Variants in RAB6B observed in about 807,000 individuals in gnomAD.
RAB6B encodes ras-related protein Rab-6B.
RAB6B carries 7 observed loss-of-function variants against 31.2 expected under a neutral mutation model. The ratio of observed to expected loss-of-function variants is 0.22; its 90% CI spans 0.13 to 0.42. The LOEUF (loss-of-function observed/expected upper bound fraction) is 0.42. Among genes scored for constraint, RAB6B ranks in the 10% least tolerant of loss-of-function variants. The pLI, the probability that RAB6B is intolerant of heterozygous loss-of-function variation, is 1.00. For missense variants in RAB6B, 149 were observed against 280.6 expected (o/e 0.53, Z 3.35); for synonymous variants, 105 against 104.9 (o/e 1.00, Z -0.01).
chr3:133,890,812 A>G (rs1292733125), intron 1 of RAB6B, among the ~76,000 whole-genome samples: 2 of 152,236 alleles, frequency 1.3e-5, no homozygotes, highest in East Asian at 1.9e-4. Flanking sequence ...TTAAAATTCA[A>G]TTACGGTTTT....
chr3:133,828,193 G>GA lies in RAB6B; in HGVS notation c.*594dup, dbSNP rs1935602933. ...AGGTTGACGACCCACTCTGGCCATG[G>GA]AAAGACAAGAGTCAGAGCTACCTTT... On this transcript the variant is annotated 3_prime_UTR_variant, in exon 8 of 8. Transcript: ENST00000285208. 1.7e-6 allele frequency: 1 copy of GA among 580,182 alleles called. No homozygotes were observed. Among genetic ancestry groups the GA allele is most frequent in the South Asian group, 2.1e-5 (1 of 47,170 alleles). 35.9% of individuals were successfully genotyped at this position (580,182 alleles called of 1,614,324 possible). A position where few individuals can be genotyped will look rare whatever the true frequency, so the allele number is the denominator to read the frequency against.
Position 133,895,560 on chromosome 3 carries a change from G to C in RAB6B, c.-94C>G. The C allele has an allele frequency of 7.6e-7, 1 of 1,320,854 alleles. No homozygotes were observed. The highest frequency in any genetic ancestry group is 2.4e-5 in the East Asian group (1 of 41,078). 81.8% of individuals were successfully genotyped at this position (1,320,854 alleles called of 1,614,324 possible). A position where few individuals can be genotyped will look rare whatever the true frequency, so the allele number is the denominator to read the frequency against. On this transcript the variant is annotated 5_prime_UTR_variant, in exon 1 of 8. Coordinates refer to ENST00000285208, the MANE Select transcript of RAB6B (RefSeq NM_016577.4). ...AGGGCGAGGGGAGGCGGCCGGCGGT[G>C]CGGGAGCCGGAGGGGGAAGGGCTGG...
intron 7 of RAB6B, among the ~76,000 whole-genome samples, chr3:133,834,112 G>A (rs995802815): frequency 2.0e-5 from 3 of 152,092 alleles, no homozygotes; most frequent in African/African-American, 7.2e-5. Context: ...CTCAGGAGCT[G>A]TTCAGGGCTG....
At chr3:133,862,267 T>C (rs901102836) in intron 2 of RAB6B, among the ~76,000 whole-genome samples, 1 of 152,214 alleles carries the variant, frequency 6.6e-6, no homozygotes, top group Non-Finnish European at 1.5e-5. Context: ...CCATGCTGTT[T>C]TTTTTGTGTG....
intron 5 of RAB6B, 103 bp from the exon 6 acceptor site, chr3:133,838,362 C>T: frequency 9.8e-7 from 1 of 1,023,216 alleles, no homozygotes; most frequent in Non-Finnish European, 1.5e-6. Context: ...CCACTGGGCC[C>T]TTGGTCAGTC....
chr3:133,867,259 C>T lies in RAB6B; in HGVS notation c.71-2617G>A, dbSNP rs117646781. Among the ~76,000 whole-genome samples, 124 of 152,256 alleles carry T rather than the reference C, an allele frequency of 8.1e-4. 2 individuals are homozygous for T. The East Asian group carries it at 0.022, about 27-fold the overall frequency. On this transcript the variant is annotated intron_variant, in intron 1 of 7. Transcript: ENST00000285208. ...AGAGCTGATATTTTCTATGCATTCC[C>T]GCAGTCACCATAATAGGCAACACAT...
chr3:133,887,994 C>T (rs962861298), intron 1 of RAB6B, among the ~76,000 whole-genome samples: 1 of 152,172 alleles, frequency 6.6e-6, no homozygotes, highest in African/African-American at 2.4e-5. Context: ...ACCCTGCTTC[C>T]CTCCTCCCTG....
intron 1 of RAB6B, among the ~76,000 whole-genome samples, chr3:133,887,781 A>C (rs1485533318): frequency 6.6e-6 from 1 of 152,194 alleles, no homozygotes; most frequent in East Asian, 1.9e-4. Flanking sequence ...ACCCCAGAGT[A>C]GGTGGGAACC....
At chr3:133,861,049 A>G (rs1254795172) in intron 2 of RAB6B, among the ~76,000 whole-genome samples, 1 of 152,246 alleles carries the variant, frequency 6.6e-6, no homozygotes, top group African/African-American at 2.4e-5. Flanking sequence ...CAGCACCTGC[A>G]GAGGCTGAAC....
Position 133,828,093 on chromosome 3 carries a change from G to A in RAB6B, c.*695C>T. 1.5e-6 allele frequency: 1 copy of A among 664,878 alleles called. No individual in the cohort carries two copies. 41.2% of individuals were successfully genotyped at this position (664,878 alleles called of 1,614,324 possible). ...AAGGCTTTTCAGGGAAAGAGAAGGA[G>A]AGGTGGGAGCAGTTCCTCTGGGGGC... On this transcript the variant is annotated 3_prime_UTR_variant, in exon 8 of 8. Transcript: ENST00000285208.
intron 1 of RAB6B, 44 bp downstream of exon 1, chr3:133,895,353 G>T: frequency 3.1e-6 from 5 of 1,592,912 alleles, no homozygotes; most frequent in Non-Finnish European, 4.3e-6. Context: ...TGGGCGGCGG[G>T]GGTCGACTCG....
chr3:133,862,527 C>T (rs1341327866), intron 2 of RAB6B, among the ~76,000 whole-genome samples: 1 of 152,138 alleles, frequency 6.6e-6, no homozygotes, highest in Non-Finnish European at 1.5e-5. Flanking sequence ...GTGCTCTGGG[C>T]CTTGATGCAT....
intron 1 of RAB6B, among the ~76,000 whole-genome samples, chr3:133,870,338 GT>G (rs1390360751): frequency 6.6e-6 from 1 of 152,146 alleles, no homozygotes; most frequent in East Asian, 1.9e-4. Flanking sequence ...CCTCCACCTG[GT>G]CCTGTCCTTG....
At chr3:133,836,882 CCTT>C (rs1313039115) in intron 6 of RAB6B, among the ~76,000 whole-genome samples, 14 of 152,284 alleles carry the variant, frequency 9.2e-5, no homozygotes, top group Middle Eastern at 3.4e-3. Context: ...TCCCTTCCAC[CCTT>C]CTTGTCTCTT....
chr3:133,834,748 C>G (rs1295966424), intron 6 of RAB6B, 107 bp from the exon 7 acceptor site: 2 of 1,040,344 alleles, frequency 1.9e-6, no homozygotes, highest in African/African-American at 3.1e-5. Flanking sequence ...TGCAGCTTTA[C>G]TCTCCCATCT....
chr3:133,851,482 T>G (rs1014286458), intron 2 of RAB6B, among the ~76,000 whole-genome samples: 2 of 151,974 alleles, frequency 1.3e-5, no homozygotes, highest in Non-Finnish European at 2.9e-5. Flanking sequence ...GGATAGTGAA[T>G]GGGATAAAGG....
At chr3:133,829,918 ATGTG>A (rs1168939438) in intron 7 of RAB6B, among the ~76,000 whole-genome samples, 2 of 151,198 alleles carry the variant, frequency 1.3e-5, no homozygotes, top group East Asian at 3.9e-4. Context: ...TATTTTCCCC[ATGTG>A]TGTGTGTACA....
chr3:133,861,169 A>G (rs1015488864), intron 2 of RAB6B, among the ~76,000 whole-genome samples: 1 of 152,266 alleles, frequency 6.6e-6, no homozygotes, highest in African/African-American at 2.4e-5. Flanking sequence ...CACAATGCAC[A>G]TACTGGAAGG....
intron 4 of RAB6B, among the ~76,000 whole-genome samples, chr3:133,840,176 A>AGGG (rs1935803499): frequency 6.6e-6 from 1 of 151,864 alleles, no homozygotes; most frequent in East Asian, 1.9e-4. Flanking sequence ...TCTGCAGATG[A>AGGG]GAGGAGGGGA....
Sources: gnomAD v4.1 joint callset for allele counts (sites outside exome capture counted in the v4.1 genomes callset) on GRCh38, gnomAD v4.1.1 for gene constraint, MANE v1.5 for transcripts, NCBI Gene and HGNC (gene_info 2026-07-23, HGNC 2026-07-21) for gene names.